CUBN: variants seen among roughly 807,000 people sequenced by gnomAD.
CUBN encodes the protein 460 kDa receptor.
In CUBN, 282 loss-of-function variants were observed where a neutral mutation model predicts 405.3. That is an observed-to-expected ratio of 0.70 (90% CI 0.63 to 0.77). The LOEUF is 0.77. Ranked by LOEUF, CUBN falls within the 30% of genes least tolerant of loss-of-function variation. CUBN has a pLI of 0.00. For synonymous variants in CUBN, 1,684 were observed against 1,617.0 expected, an observed-to-expected ratio of 1.04 and a Z score of -0.99; for missense variants, 4,514 against 4,475.2, an observed-to-expected ratio of 1.01 and a Z score of -0.25.
chr10:16,998,995 T>C (rs983299353), intron 28 of CUBN, among the ~76,000 whole-genome samples: 13 of 152,238 alleles, frequency 8.5e-5, no homozygotes, highest in African/African-American at 2.7e-4. Flanking sequence ...CTAATTTCTA[T>C]ACAGCAGTGG....
intron 56 of CUBN, among the ~76,000 whole-genome samples, chr10:16,879,802 C>A (rs1334187108): frequency 6.6e-6 from 1 of 152,144 alleles, no homozygotes; most frequent in African/African-American, 2.4e-5. Context: ...AATACTCCCA[C>A]GATAGCCAAT....
chr10:17,122,592 G>C (rs750889430), intron 6 of CUBN: 1 of 624,146 alleles, frequency 1.6e-6, no homozygotes, highest in Non-Finnish European at 3.0e-6. Flanking sequence ...ATTTCTTCAC[G>C]GGGTGAGAGT....
In CUBN at chr10:16,876,801, C is replaced by T. The variant is rs977198519; in HGVS notation, c.9106+96G>A. 6 of 1,055,462 alleles carry T rather than the reference C, an allele frequency of 5.7e-6. No homozygotes were observed. The African/African-American group carries it at 7.8e-5, about 14-fold the overall frequency. The allele number at this position is 1,055,462 out of a possible 1,614,324, so 65.4% of individuals were successfully genotyped here. A position where few individuals can be genotyped will look rare whatever the true frequency, so the allele number is the denominator to read the frequency against. ...TCTTTTTCCCTTAAATTCTCTGAAT[C>T]TTCAAGTTAGTGCTGTATGAATCGC... On this transcript the variant is annotated intron_variant, in intron 57 of 66. Coordinates refer to ENST00000377833, the MANE Select transcript of CUBN (RefSeq NM_001081.4).
chr10:17,112,883 G>T (rs1836803157), intron 8 of CUBN, among the ~76,000 whole-genome samples: 1 of 152,158 alleles, frequency 6.6e-6, no homozygotes, highest in South Asian at 2.1e-4. Context: ...TAAAATGTGA[G>T]TAATACTTAT....
intron 27 of CUBN, among the ~76,000 whole-genome samples, chr10:17,031,484 A>C (rs2131804349): frequency 6.6e-6 from 1 of 152,348 alleles, no homozygotes; most frequent in African/African-American, 2.4e-5. Flanking sequence ...CTAGCTACTA[A>C]GTAGTGGAGT....
At chr10:17,101,076 T>C (rs543747194) in intron 13 of CUBN, among the ~76,000 whole-genome samples, 1 of 152,282 alleles carries the variant, frequency 6.6e-6, no homozygotes, top group South Asian at 2.1e-4. Flanking sequence ...CAATATTCAG[T>C]TAATGAAAAA....
intron 28 of CUBN, 144 bp from the exon 29 acceptor site, chr10:16,990,659 T>A: frequency 1.5e-6 from 1 of 670,692 alleles, no homozygotes; most frequent in East Asian, 2.7e-5. Context: ...AAGTTATAAT[T>A]ATGCAGTTAT....
At position 17,122,855 on chromosome 10, in the gene CUBN, G is replaced by A. The variant is rs1347876768; in HGVS notation, c.533C>T (p.Ser178Leu). 1 of 1,613,612 alleles carries A rather than the reference G, an allele frequency of 6.2e-7. No individual in the cohort carries two copies. Among genetic ancestry groups the A allele is most frequent in the Admixed American group, 1.7e-5 (1 of 59,966 alleles). The change falls in exon 6 of 67, where the codon TCA (serine) becomes TTA (leucine). Residue 178 changes from serine (S) to leucine (L), a missense_variant. Coordinates refer to ENST00000377833, the MANE Select transcript of CUBN (RefSeq NM_001081.4). ...ATTCTGGCAGCTCAAGGGTGTTCCT[G>A]AGTAAATCTCACATTCGTTAACATC... is the stretch of plus-strand genomic sequence containing the variant. ...SADVNECEIYSGTPLSCQNGG... is the reference protein window; with the variant it reads ...SADVNECEIYLGTPLSCQNGG...
chr10:16,888,395 T>G (rs1238265440), intron 56 of CUBN, 22 bp downstream of exon 56: 1 of 1,600,452 alleles, frequency 6.2e-7, no homozygotes, highest in Non-Finnish European at 8.6e-7. Flanking sequence ...TAAACGTAAT[T>G]TTTTTAAAAG....
At chr10:16,918,275 G>A (rs1032486152) in intron 45 of CUBN, among the ~76,000 whole-genome samples, 5 of 152,092 alleles carry the variant, frequency 3.3e-5, no homozygotes, top group African/African-American at 1.2e-4. Context: ...GGCTATTTGG[G>A]TTCTTTTTGG....
intron 17 of CUBN, among the ~76,000 whole-genome samples, chr10:17,079,451 C>A (rs1196894296): frequency 6.6e-6 from 1 of 151,714 alleles, no homozygotes. Flanking sequence ...GTTGGCCAGG[C>A]TGGTCTCAAA....
chr10:16,898,538 T>C (rs1841261133), intron 54 of CUBN, among the ~76,000 whole-genome samples: 3 of 152,206 alleles, frequency 2.0e-5, no homozygotes, highest in Non-Finnish European at 1.5e-5. Context: ...ACAGTCATCA[T>C]AGTCACAAGT....
intron 66 of CUBN, among the ~76,000 whole-genome samples, chr10:16,825,330 G>T (rs903045256): frequency 2.6e-5 from 4 of 152,044 alleles, no homozygotes; most frequent in Admixed American, 1.3e-4. Context: ...TCTTTGGGGG[G>T]TAATGAAAGT....
intron 46 of CUBN, among the ~76,000 whole-genome samples, chr10:16,915,446 A>G (rs561469518): frequency 6.6e-5 from 10 of 152,334 alleles, no homozygotes; most frequent in South Asian, 2.1e-4. Flanking sequence ...ATCTGAGACA[A>G]CAGTGACAAG....
chr10:16,852,583 C>T (rs1013390130), intron 59 of CUBN, among the ~76,000 whole-genome samples: 1 of 152,140 alleles, frequency 6.6e-6, no homozygotes, highest in Non-Finnish European at 1.5e-5. Context: ...GTGTCTCCTT[C>T]TTATTCACGG....
At position 17,127,913 on chromosome 10, in the gene CUBN, GT is replaced by G; in HGVS notation, c.263del (p.Asn88ThrfsTer6). The G allele has an allele frequency of 1.2e-6, 2 of 1,600,410 alleles. No homozygotes were observed. The highest frequency in any genetic ancestry group is 1.7e-6 in the Non-Finnish European group (2 of 1,169,042). On this transcript the variant is annotated frameshift_variant, in exon 3 of 67. Transcript: ENST00000377833. LOFTEE classifies it high-confidence loss of function. ...CTTTTAACTCTATAATATCTTCTTT[GT>G]TTTTCTGGATCTAATTTTAGAAAAA... ...LSECLHQIQK[N>X]KEDIIELKGS...
chr10:16,949,464 TAGTGTGTGTG>T (rs1842871424), intron 34 of CUBN, among the ~76,000 whole-genome samples: 4 of 71,582 alleles, frequency 5.6e-5, no homozygotes, highest in Non-Finnish European at 1.6e-4. Context: ...TGTGTGTGTG[TAGTGTGTGTG>T]TGTTTGTTTG....
chr10:16,996,376 G>A (rs1280143003), intron 28 of CUBN, among the ~76,000 whole-genome samples: 1 of 152,160 alleles, frequency 6.6e-6, no homozygotes, highest in South Asian at 2.1e-4. Flanking sequence ...CTCATCTGCC[G>A]AAAGGAAGTG....
intron 55 of CUBN, among the ~76,000 whole-genome samples, chr10:16,889,931 G>A (rs1840943663): frequency 3.1e-5 from 1 of 32,124 alleles, no homozygotes; most frequent in Non-Finnish European, 5.5e-5. Context: ...GTGAGACGCC[G>A]TGTCAAAAAA....
Sources: gnomAD v4.1 joint callset for allele counts (sites outside exome capture counted in the v4.1 genomes callset) on GRCh38, gnomAD v4.1.1 for gene constraint, MANE v1.5 for transcripts, NCBI Gene and HGNC (gene_info 2026-07-23, HGNC 2026-07-21) for gene names.